OTOGL: variants seen among roughly 807,000 people sequenced by gnomAD.
OTOGL encodes otogelin like.
A neutral mutation model predicts 318.5 loss-of-function variants in OTOGL; 285 were observed. The ratio of observed to expected loss-of-function variants is 0.89; its 90% CI spans 0.81 to 0.99. The LOEUF (loss-of-function observed/expected upper bound fraction) is 0.99. Among genes scored for constraint, OTOGL ranks in the 50% least tolerant of loss-of-function variants. OTOGL has a pLI of 0.00. For synonymous variants in OTOGL, 987 were observed against 936.5 expected (o/e 1.05, Z -0.99); for missense variants, 2,899 against 2,845.6 (o/e 1.02, Z -0.43).
rs1283942378 is a variant in OTOGL, at chr12:80,329,152, A to T, written c.4348+33A>T. 4.2e-6 allele frequency: 6 copies of T among 1,419,658 alleles called. No individual in the cohort carries two copies. In the African/African-American group the frequency reaches 8.9e-5, roughly 21 times the overall value. 87.9% of individuals were successfully genotyped at this position (1,419,658 alleles called of 1,614,324 possible). A position where few individuals can be genotyped will look rare whatever the true frequency, so the allele number is the denominator to read the frequency against. Reference sequence around the variant, plus strand: ...TATAATTTTAGACAACAAAAGTAGCACTATGTAGTTTAAGTGTTGGCTTAA... The same window carrying T: ...TATAATTTTAGACAACAAAAGTAGCTCTATGTAGTTTAAGTGTTGGCTTAA... On this transcript the variant is annotated intron_variant, in intron 37 of 58. Coordinates refer to ENST00000547103, the MANE Select transcript of OTOGL (RefSeq NM_001378609.3).
intron 1 of OTOGL, among the ~76,000 whole-genome samples, chr12:80,173,239 CACAG>C (rs1874324455): frequency 6.6e-6 from 1 of 151,910 alleles, no homozygotes; most frequent in Non-Finnish European, 1.5e-5. Context: ...ATGGCTACTC[CACAG>C]ACGGAGCAGT....
intron 46 of OTOGL, among the ~76,000 whole-genome samples, chr12:80,354,783 T>C (rs1592748105): frequency 6.6e-6 from 1 of 152,156 alleles, no homozygotes; most frequent in South Asian, 2.1e-4. Flanking sequence ...AGGATAAGAG[T>C]TCACTGGAGG....
At chr12:80,313,141 C>T (rs1253796851) in intron 30 of OTOGL, among the ~76,000 whole-genome samples, 1 of 152,082 alleles carries the variant, frequency 6.6e-6, no homozygotes, top group Non-Finnish European at 1.5e-5. Context: ...TATAAAATTA[C>T]AATTGGAAGC....
intron 26 of OTOGL, among the ~76,000 whole-genome samples, chr12:80,285,650 A>G (rs1884561627): frequency 6.6e-6 from 1 of 152,096 alleles, no homozygotes; most frequent in Non-Finnish European, 1.5e-5. Context: ...TATGAATGGG[A>G]GTCCACTCAT....
At chr12:80,264,731 G>T (rs1882806981) in intron 19 of OTOGL, among the ~76,000 whole-genome samples, 1 of 152,090 alleles carries the variant, frequency 6.6e-6, no homozygotes, top group Non-Finnish European at 1.5e-5. Flanking sequence ...GCAATGGGAT[G>T]GTTGAGGCCA....
At chr12:80,170,471 T>C (rs1874131697) in intron 1 of OTOGL, among the ~76,000 whole-genome samples, 2 of 152,150 alleles carry the variant, frequency 1.3e-5, no homozygotes, top group African/African-American at 2.4e-5. Context: ...TCTCACTCTG[T>C]TGCCCAGGCT....
intron 56 of OTOGL, 115 bp downstream of exon 56, chr12:80,370,804 A>C: frequency 1.4e-6 from 1 of 724,092 alleles, no homozygotes. Flanking sequence ...CGAATGTGTT[A>C]TTTTCATGAA....
intron 1 of OTOGL, among the ~76,000 whole-genome samples, chr12:80,113,072 T>G (rs750837303): frequency 2.1e-4 from 32 of 152,156 alleles, no homozygotes; most frequent in Non-Finnish European, 3.2e-4. Context: ...CTGATGGTAG[T>G]TTGTATTTCT....
chr12:80,111,734 G>T (rs1592460799), intron 1 of OTOGL, among the ~76,000 whole-genome samples: 1 of 152,108 alleles, frequency 6.6e-6, no homozygotes, highest in South Asian at 2.1e-4. Flanking sequence ...TATACAGGCT[G>T]TTTTTTGGTT....
chr12:80,172,314 G>T (rs1239101572), intron 1 of OTOGL, among the ~76,000 whole-genome samples: 1 of 152,144 alleles, frequency 6.6e-6, no homozygotes, highest in Non-Finnish European at 1.5e-5. Flanking sequence ...CCTAGAGTAT[G>T]TTATACTTCT....
intron 11 of OTOGL, among the ~76,000 whole-genome samples, chr12:80,244,153 T>C (rs184563734): frequency 2.9e-4 from 43 of 150,498 alleles, no homozygotes; most frequent in African/African-American, 1.1e-3. Flanking sequence ...AGGACGAAAG[T>C]CCTATTTTTT....
chr12:80,170,423 G>GT (rs1195640196), intron 1 of OTOGL, among the ~76,000 whole-genome samples: 1 of 151,682 alleles, frequency 6.6e-6, no homozygotes. Context: ...TAGTTTGTTG[G>GT]TTTTTTCTTT....
intron 1 of OTOGL, among the ~76,000 whole-genome samples, chr12:80,174,888 C>A (rs927138168): frequency 6.6e-6 from 1 of 151,776 alleles, no homozygotes; most frequent in African/African-American, 2.4e-5. Flanking sequence ...AGGTGCTGAA[C>A]ATTTCATTTA....
chr12:80,354,816 C>T (rs1889770045), intron 46 of OTOGL, among the ~76,000 whole-genome samples: 1 of 152,076 alleles, frequency 6.6e-6, no homozygotes, highest in African/African-American at 2.4e-5. Context: ...TTGATAAATA[C>T]ATTTATCATT....
chr12:80,372,661 G>T (rs568155754), intron 57 of OTOGL, among the ~76,000 whole-genome samples: 1 of 151,418 alleles, frequency 6.6e-6, no homozygotes, highest in East Asian at 1.9e-4. Context: ...TTTTTTATTA[G>T]CTTGGATTAT....
chr12:80,119,293 ACTT>A (rs770351819), intron 1 of OTOGL, among the ~76,000 whole-genome samples: 12 of 152,118 alleles, frequency 7.9e-5, no homozygotes, highest in Non-Finnish European at 1.6e-4. Flanking sequence ...CATTTCTCTT[ACTT>A]CTTACTCTGT....
intron 26 of OTOGL, among the ~76,000 whole-genome samples, chr12:80,283,281 C>T (rs934793827): frequency 6.6e-6 from 1 of 151,948 alleles, no homozygotes; most frequent in Non-Finnish European, 1.5e-5. Flanking sequence ...CCAATGGCCT[C>T]CAGTGGCTTC....
At chr12:80,356,031 CT>C in intron 47 of OTOGL, 83 bp downstream of exon 47, 3 of 1,418,718 alleles carry the variant, frequency 2.1e-6, no homozygotes, top group Non-Finnish European at 2.9e-6. Flanking sequence ...ATATATAATG[CT>C]TTGTATTTTT....
intron 1 of OTOGL, among the ~76,000 whole-genome samples, chr12:80,157,604 A>G (rs369974988): frequency 2.0e-4 from 31 of 152,264 alleles, no homozygotes; most frequent in African/African-American, 7.5e-4. Context: ...ATTTTTGTAT[A>G]TGGTGAGAGA....
Sources: gnomAD v4.1 joint callset for allele counts (sites outside exome capture counted in the v4.1 genomes callset) on GRCh38, gnomAD v4.1.1 for gene constraint, MANE v1.5 for transcripts, NCBI Gene and HGNC (gene_info 2026-07-23, HGNC 2026-07-21) for gene names.